CACNA1A: variants seen among roughly 807,000 people sequenced by gnomAD.
The protein encoded by CACNA1A is calcium voltage-gated channel subunit alpha1 A.
CACNA1A carries 57 observed loss-of-function variants against 262.4 expected under a neutral mutation model. That is an observed-to-expected ratio of 0.22 (90% confidence interval 0.18 to 0.27). CACNA1A has a LOEUF of 0.27. Among genes scored for constraint, CACNA1A ranks in the 10% least tolerant of loss-of-function variants. The pLI is 1.00. For synonymous variants in CACNA1A, 1,431 were observed against 1,419.3 expected, an observed-to-expected ratio of 1.01 and a Z score of -0.18; for missense variants, 2,526 against 3,562.8, an observed-to-expected ratio of 0.71 and a Z score of 7.41.
At chr19:13,416,067 T>G (rs969722503) in intron 3 of CACNA1A, among the ~76,000 whole-genome samples, 1 of 152,292 alleles carries the variant, frequency 6.6e-6, no homozygotes, top group South Asian at 2.1e-4. Context: ...GCACTTGAAG[T>G]GCAGCCTGTG....
Position 13,317,240 on chromosome 19 carries a change from C to T in CACNA1A, c.1427G>A (p.Arg476His), listed in dbSNP as rs755107633. 36 of 1,613,480 alleles carry T rather than the reference C, an allele frequency of 2.2e-5. No homozygotes were observed. Among genetic ancestry groups the T allele is most frequent in the Admixed American group, 8.3e-5 (5 of 59,976 alleles). Residue 476 changes from arginine to histidine, a missense_variant, in exon 11 of 47, where the codon CGT becomes CAT. Arg to His is a conservative substitution (Grantham distance 29). Coordinates refer to ENST00000360228, the MANE Select transcript of CACNA1A (RefSeq NM_001127222.2). ...TTTGACCATGCGGCGGATGTAGAAA[C>T]GCATCCTCCTCTCCTTTTTGTGAAA... is the stretch of plus-strand genomic sequence containing the variant. Reference protein sequence around the residue: ...TFFHKKERRMRFYIRRMVKTQ... With the variant: ...TFFHKKERRMHFYIRRMVKTQ...
intron 22 of CACNA1A, among the ~76,000 whole-genome samples, chr19:13,282,399 C>T (rs1240967309): frequency 6.6e-6 from 1 of 152,142 alleles, no homozygotes; most frequent in East Asian, 1.9e-4. Context: ...GGGGTCAAGC[C>T]TCTGCCCGCA....
At chr19:13,266,857 G>C (rs1024234601) in intron 24 of CACNA1A, among the ~76,000 whole-genome samples, 3 of 152,194 alleles carry the variant, frequency 2.0e-5, no homozygotes, top group Non-Finnish European at 4.4e-5. Flanking sequence ...TTAGAGGCGT[G>C]AGCCACCGTG....
In CACNA1A at chr19:13,234,048, TAAAAA is replaced by T. The variant is rs60742009; in HGVS notation, c.5249+868_5249+872del. Among the ~76,000 whole-genome samples the T allele has an allele frequency of 5.0e-3, 514 of 102,340 alleles. 4 individuals carry two copies. Among genetic ancestry groups the T allele is most frequent in the African/African-American group, 0.016 (407 of 25,110 alleles). 67.1% of individuals were successfully genotyped at this position (102,340 alleles called of 152,430 possible). A position where few individuals can be genotyped will look rare whatever the true frequency, so the allele number is the denominator to read the frequency against. On this transcript the variant is annotated intron_variant, in intron 34 of 46. Coordinates refer to ENST00000360228, the MANE Select transcript of CACNA1A (RefSeq NM_001127222.2). The stretch of plus-strand genomic sequence containing the variant: ...CTGGGCAACAGAGAGAGACTCCATC[TAAAAA>T]AAAAAAAAAAAAAGGGCTGGGCACG...
At chr19:13,298,153 C>CA (rs1030122066) in intron 19 of CACNA1A, among the ~76,000 whole-genome samples, 8 of 86,742 alleles carry the variant, frequency 9.2e-5, no homozygotes, top group Non-Finnish European at 1.8e-4. Flanking sequence ...TTTTTTGAGA[C>CA]AGAGTCTCAC....
At chr19:13,289,897 A>G (rs1221411408) in intron 19 of CACNA1A, among the ~76,000 whole-genome samples, 1 of 149,104 alleles carries the variant, frequency 6.7e-6, no homozygotes, top group Non-Finnish European at 1.5e-5. Flanking sequence ...TTTCTATATT[A>G]TATATATAAC....
intron 6 of CACNA1A, among the ~76,000 whole-genome samples, chr19:13,339,159 C>T (rs926680630): frequency 3.3e-5 from 5 of 152,032 alleles, no homozygotes; most frequent in African/African-American, 9.6e-5. Flanking sequence ...CCACTGAGCC[C>T]GGCAGAAGTT....
In CACNA1A at chr19:13,298,593, C is replaced by T. The variant is rs16024; in HGVS notation, c.3040G>A (p.Glu1014Lys). ...TTGTCCTCCCTCCGCGCGTCCCCCT[C>T]GTACGTGGCTGGAGCGCCATGCCGG... ...RHRHGAPATY[E>K]GDARREDKER... Residue 1014 changes from glutamate to lysine, a missense_variant, in exon 19 of 47, where the codon GAG becomes AAG. Physicochemically the swap from Glu to Lys is moderately conservative, Grantham distance 56. Coordinates refer to ENST00000360228, the MANE Select transcript of CACNA1A (RefSeq NM_001127222.2). The T allele has an allele frequency of 5.3e-3, 8,096 of 1,541,592 alleles. 28 individuals are homozygous for T. Among genetic ancestry groups the T allele is most frequent in the Non-Finnish European group, 6.3e-3 (7,196 of 1,142,320 alleles).
Position 13,380,960 on chromosome 19 carries a change from G to A in CACNA1A, c.540-9181C>T, listed in dbSNP as rs140499881. 8.6e-4 allele frequency among the ~76,000 whole-genome samples: 131 copies of A among 151,818 alleles called. 2 individuals carry two copies. The East Asian group carries it at 0.016, about 19-fold the overall frequency. Reference sequence around the variant, plus strand: ...AGCTAATTTTTGTATTTTTTTTGGAGAGACAGGGTTTTACCATATTGCCCA... The same window carrying A: ...AGCTAATTTTTGTATTTTTTTTGGAAAGACAGGGTTTTACCATATTGCCCA... On this transcript the variant is annotated intron_variant, in intron 3 of 46. Coordinates refer to ENST00000360228, the MANE Select transcript of CACNA1A (RefSeq NM_001127222.2).
intron 3 of CACNA1A, among the ~76,000 whole-genome samples, chr19:13,430,874 C>G (rs1318309526): frequency 1.3e-5 from 2 of 151,850 alleles, no homozygotes; most frequent in African/African-American, 2.4e-5. Flanking sequence ...TAGAAGGACA[C>G]TTGAGCAAAG....
At chr19:13,228,770 A>G (rs938466708) in intron 36 of CACNA1A, 1 of 1,598,982 alleles carries the variant, frequency 6.3e-7, no homozygotes, top group Non-Finnish European at 8.5e-7. Flanking sequence ...AATAAACTGT[A>G]CATATCCTTA....
Position 13,308,105 on chromosome 19 carries a change from C to T in CACNA1A, c.1913+15G>A, listed in dbSNP as rs777446655. The T allele has an allele frequency of 3.1e-6, 5 of 1,613,482 alleles. No homozygotes were observed. In the African/African-American group the frequency reaches 4.0e-5, roughly 13 times the overall value. On this transcript the variant is annotated intron_variant, in intron 14 of 46. Transcript: ENST00000360228. This position sits in a 1 kb window ranked among gnomAD's most constrained non-coding sequence, Gnocchi z 4.2. ...CCCAGGGAACCAGGAGTTGGAATTC[C>T]TGTGAAGGACTTACTGGCCGCCGAA...
intron 10 of CACNA1A, among the ~76,000 whole-genome samples, chr19:13,317,701 G>A (rs1035191404): frequency 7.2e-5 from 11 of 152,196 alleles, no homozygotes; most frequent in African/African-American, 2.2e-4. Flanking sequence ...CATGGAGCAC[G>A]CTTGGAAGGC....
intron 3 of CACNA1A, among the ~76,000 whole-genome samples, chr19:13,408,672 A>G (rs1318339061): frequency 6.6e-6 from 1 of 152,208 alleles, no homozygotes; most frequent in Non-Finnish European, 1.5e-5. Context: ...TTCACAGGTG[A>G]GCAACTGTTC....
intron 28 of CACNA1A, among the ~76,000 whole-genome samples, chr19:13,255,705 T>TTCTCTCCCTCCCTCCTTCTC (rs2056532726): frequency 3.1e-5 from 1 of 31,850 alleles, no homozygotes. Context: ...CCCTCCTTCC[T>TTCTCTCCCTCCCTCCTTCTC]TCCCTCCCTC....
At chr19:13,303,959 C>A in intron 15 of CACNA1A, 75 bp from the exon 16 acceptor site, 1 of 1,046,670 alleles carries the variant, frequency 9.6e-7, no homozygotes, top group South Asian at 1.4e-5. Flanking sequence ...GCTGTGGAGC[C>A]GGAATCCGCC....
chr19:13,219,720 C>T (rs1009424650), intron 38 of CACNA1A, among the ~76,000 whole-genome samples: 7 of 150,070 alleles, frequency 4.7e-5, no homozygotes, highest in South Asian at 2.1e-4. Context: ...TTTGGGAGGC[C>T]GAGGTGGGCA....
chr19:13,299,868 G>A (rs927435648), intron 18 of CACNA1A, among the ~76,000 whole-genome samples: 6 of 152,196 alleles, frequency 3.9e-5, no homozygotes, highest in African/African-American at 1.4e-4. Context: ...CCTAGGTGTG[G>A]GGGGTGGTTT....
chr19:13,207,365 G>A lies in CACNA1A; in HGVS notation c.7469C>T (p.Ser2490Phe), dbSNP rs749084618. The A allele has an allele frequency of 6.4e-7, 1 of 1,553,868 alleles. No individual in the cohort carries two copies. Among genetic ancestry groups the A allele is most frequent in the Non-Finnish European group, 8.6e-7 (1 of 1,156,778 alleles). Residue 2490 changes from serine to phenylalanine, a missense_variant, in exon 47 of 47, where the codon TCC becomes TTC. Physicochemically the swap from Ser to Phe is radical, Grantham distance 155. Coordinates refer to ENST00000360228, the MANE Select transcript of CACNA1A (RefSeq NM_001127222.2). The surrounding 1 kb of genome is among the most constrained non-coding windows in gnomAD (Gnocchi z 5.7). Reference protein sequence around the residue: ...HGLARPRGPGSRKGLHEPYSE... With the variant: ...HGLARPRGPGFRKGLHEPYSE... ...GTAGGGTTCGTGCAGGCCCTTCCTGGAGCCCGGCCCGCGGGGCCTGGCCAG... is the reference window on the plus strand; with the variant it reads ...GTAGGGTTCGTGCAGGCCCTTCCTGAAGCCCGGCCCGCGGGGCCTGGCCAG...
Sources: gnomAD v4.1 joint callset for allele counts (sites outside exome capture counted in the v4.1 genomes callset) on GRCh38, gnomAD v4.1.1 for gene constraint, Gnocchi (gnomAD v3.1) non-coding constraint, MANE v1.5 for transcripts, NCBI Gene and HGNC (gene_info 2026-07-23, HGNC 2026-07-21) for gene names.